The following TNFAIP1 variants were observed in gnomAD, a reference collection of about 807,000 sequenced individuals.
TNFAIP1 encodes BTB/POZ domain-containing adapter for CUL3-mediated RhoA degradation protein 2.
In TNFAIP1, 20 loss-of-function variants were observed where a neutral mutation model predicts 32.6. That is an observed-to-expected ratio of 0.61 (90% CI 0.43 to 0.89). The LOEUF (loss-of-function observed/expected upper bound fraction) is 0.89, where lower values mean the gene tolerates loss of function less well. TNFAIP1 is among the 40% of genes least tolerant of loss of function. The pLI is 0.00. For missense variants in TNFAIP1, 319 were observed against 425.1 expected (o/e 0.75, Z 2.20); for synonymous variants, 166 against 166.8 (o/e 1.00, Z 0.04).
Position 28,339,455 on chromosome 17 carries a change from C to A in TNFAIP1, c.-67C>A. 1 of 1,474,806 alleles carries A rather than the reference C, an allele frequency of 6.8e-7. No homozygotes were observed. The highest frequency in any genetic ancestry group is 1.3e-5 in the South Asian group (1 of 74,306). The allele number at this position is 1,474,806 out of a possible 1,614,324, so 91.4% of individuals were successfully genotyped here. A position where few individuals can be genotyped will look rare whatever the true frequency, so the allele number is the denominator to read the frequency against. On this transcript the variant is annotated 5_prime_UTR_variant, in exon 2 of 7. Coordinates refer to ENST00000226225, the MANE Select transcript of TNFAIP1 (RefSeq NM_021137.5). Reference sequence around the variant, plus strand: ...CCTCCACTGGCCACTCACTCGTGACCCTTTCCACCACGGCGGAGCCTTCCA... The same window carrying A: ...CCTCCACTGGCCACTCACTCGTGACACTTTCCACCACGGCGGAGCCTTCCA...
Position 28,342,561 on chromosome 17 carries a change from C to T in TNFAIP1, c.714+119C>T, listed in dbSNP as rs1177863558. On this transcript the variant is annotated intron_variant, in intron 6 of 6. Coordinates refer to ENST00000226225, the MANE Select transcript of TNFAIP1 (RefSeq NM_021137.5). The surrounding 1 kb of genome is among the most constrained non-coding windows in gnomAD (Gnocchi z 4.0). ...CATGGACTTGGCTCTTTTTTCCAAA[C>T]ACGGTAATGGTGCTGGGCAAGGACA... 2 of 1,020,440 alleles carry T rather than the reference C, an allele frequency of 2.0e-6. No individual in the cohort carries two copies. Among genetic ancestry groups the T allele is most frequent in the African/African-American group, 3.2e-5 (2 of 62,304 alleles). 63.2% of individuals were successfully genotyped at this position (1,020,440 alleles called of 1,614,324 possible).
chr17:28,344,241 G>A (rs1226492352), intron 6 of TNFAIP1, 123 bp from the exon 7 acceptor site: 22 of 840,882 alleles, frequency 2.6e-5, no homozygotes, highest in East Asian at 4.9e-5. Context: ...CCCTGGAGAC[G>A]GACCGCCACC....
chr17:28,340,886 C>A lies in TNFAIP1; in HGVS notation c.376-351C>A, dbSNP rs8080258. On this transcript the variant is annotated intron_variant, in intron 3 of 6. Coordinates refer to ENST00000226225, the MANE Select transcript of TNFAIP1 (RefSeq NM_021137.5). This position sits in a 1 kb window ranked among gnomAD's most constrained non-coding sequence, Gnocchi z 4.1. Reference sequence around the variant, plus strand: ...TGGCCTTCAGAGTAGCTGGGAATGCCAGCATGCGCCATGGCACCCAGCTAA... The same window carrying A: ...TGGCCTTCAGAGTAGCTGGGAATGCAAGCATGCGCCATGGCACCCAGCTAA... Among the ~76,000 whole-genome samples the A allele has an allele frequency of 1, 152,305 of 152,306 alleles. 76,152 individuals are homozygous for A. The highest frequency in any genetic ancestry group is 1 in the Non-Finnish European group (68,034 of 68,034).
In TNFAIP1 at chr17:28,345,655, G is replaced by A. The variant is rs1555578857; in HGVS notation, c.*1055G>A. ...ATCAGCTGAGGACAGCAAACTCCCA[G>A]CAGCCCCTACAGAGGTGGCACATGC... On this transcript the variant is annotated 3_prime_UTR_variant, in exon 7 of 7. Coordinates refer to ENST00000226225, the MANE Select transcript of TNFAIP1 (RefSeq NM_021137.5). The A allele has an allele frequency of 6.6e-6, 1 of 152,294 alleles. No individual in the cohort carries two copies. Among genetic ancestry groups the A allele is most frequent in the South Asian group, 2.1e-4 (1 of 4,834 alleles). The allele number at this position is 152,294 out of a possible 1,614,324, so 9.4% of individuals were successfully genotyped here. A position where few individuals can be genotyped will look rare whatever the true frequency, so the allele number is the denominator to read the frequency against.
intron 5 of TNFAIP1, 57 bp downstream of exon 5, chr17:28,341,513 C>G (rs530156551): frequency 6.3e-7 from 1 of 1,596,378 alleles, no homozygotes; most frequent in Non-Finnish European, 8.6e-7. Flanking sequence ...GGAGTACTGC[C>G]TGTACTCCCA....
chr17:28,339,831 G>GTGTCTTCACCTGGAGTC (rs1907303706), intron 2 of TNFAIP1, 105 bp downstream of exon 2: 2 of 1,251,636 alleles, frequency 1.6e-6, no homozygotes, highest in Admixed American at 4.3e-5. Context: ...TTTATGTAGG[G>GTGTCTTCACCTGGAGTC]TGTCTTCACC....
Position 28,344,400 on chromosome 17 carries a change from C to A in TNFAIP1, c.751C>A (p.Leu251Ile). The A allele has an allele frequency of 6.2e-7, 1 of 1,613,898 alleles. No homozygotes were observed. Among genetic ancestry groups the A allele is most frequent in the Non-Finnish European group, 8.5e-7 (1 of 1,180,014 alleles). The change falls in exon 7 of 7, where the codon CTC becomes ATC. Residue 251 changes from leucine (L) to isoleucine (I), a missense_variant. By Grantham distance (5) the Leu-to-Ile change is conservative. Transcript: ENST00000226225. ...FPEARIYEET[L>I]NVLLYETPRV... ...AGAGGCCCGAATCTATGAGGAGACA[C>A]TCAACGTCCTACTCTATGAGACTCC...
rs529965380 is a variant in TNFAIP1, at chr17:28,340,494, G to A, written c.375+16G>A. On this transcript the variant is annotated intron_variant, in intron 3 of 6. Coordinates refer to ENST00000226225, the MANE Select transcript of TNFAIP1 (RefSeq NM_021137.5). This position sits in a 1 kb window ranked among gnomAD's most constrained non-coding sequence, Gnocchi z 4.1. The stretch of plus-strand genomic sequence containing the variant: ...TGCCCTGCAGGTACATGGGTGGGGC[G>A]GAGCAGGGCGGGCAGATGAGGTCAG... 2.1e-5 allele frequency: 34 copies of A among 1,612,778 alleles called. No individual in the cohort carries two copies. Among genetic ancestry groups the A allele is most frequent in the Middle Eastern group, 1.7e-4 (1 of 6,050 alleles).
chr17:28,339,525 TC>T lies in TNFAIP1; in HGVS notation c.5del (p.Ser2TrpfsTer45). 1 of 1,598,198 alleles carries T rather than the reference TC, an allele frequency of 6.3e-7. No individual in the cohort carries two copies. On this transcript the variant is annotated frameshift_variant, in exon 2 of 7. Coordinates refer to ENST00000226225, the MANE Select transcript of TNFAIP1 (RefSeq NM_021137.5). LOFTEE classifies it high-confidence loss of function. The part of the protein sequence containing the change: M[S>X]GDTCLCPASG... ...GGTGATCTACCTGCAGCGGGAGATG[TC>T]GGGGGACACCTGCCTGTGCCCAGCC... is the stretch of plus-strand genomic sequence containing the variant.
rs1907587834 is a variant in TNFAIP1, at chr17:28,346,813, C to G, written c.*2213C>G. 1.3e-5 allele frequency: 2 copies of G among 152,176 alleles called. No individual in the cohort carries two copies. The allele number at this position is 152,176 out of a possible 1,614,324, so 9.4% of individuals were successfully genotyped here. On this transcript the variant is annotated 3_prime_UTR_variant, in exon 7 of 7. Transcript: ENST00000226225. ...ATTTTCTTGTCAGTTTCTGAGAAACCTGGCAGCCTGCTGTTAACAACACAG... is the reference window on the plus strand; with the variant it reads ...ATTTTCTTGTCAGTTTCTGAGAAACGTGGCAGCCTGCTGTTAACAACACAG...
intron 1 of TNFAIP1, among the ~76,000 whole-genome samples, chr17:28,337,116 T>G (rs982195472): frequency 6.6e-6 from 1 of 152,182 alleles, no homozygotes; most frequent in Non-Finnish European, 1.5e-5. Context: ...CATCTCTTCT[T>G]GCCTAGACTA....
In TNFAIP1 at chr17:28,345,324, C is replaced by T. The variant is rs1567788624; in HGVS notation, c.*724C>T. On this transcript the variant is annotated 3_prime_UTR_variant, in exon 7 of 7. Coordinates refer to ENST00000226225, the MANE Select transcript of TNFAIP1 (RefSeq NM_021137.5). ...AAAAAAAAAACATCCGACAGAGCAGCTCTGGCTTTGCAGCCTGGCCAGCAG... is the reference window on the plus strand; with the variant it reads ...AAAAAAAAAACATCCGACAGAGCAGTTCTGGCTTTGCAGCCTGGCCAGCAG... 1.3e-3 allele frequency: 1 copy of T among 772 alleles called. No homozygotes were observed. Among genetic ancestry groups the T allele is most frequent in the Non-Finnish European group, 4.3e-3 (1 of 234 alleles). 0.0% of individuals were successfully genotyped at this position (772 alleles called of 1,614,324 possible). A position where few individuals can be genotyped will look rare whatever the true frequency, so the allele number is the denominator to read the frequency against.
At chr17:28,336,986 C>T (rs1286704500) in intron 1 of TNFAIP1, among the ~76,000 whole-genome samples, 1 of 152,222 alleles carries the variant, frequency 6.6e-6, no homozygotes, top group Non-Finnish European at 1.5e-5. Flanking sequence ...CAGTGCCCTG[C>T]TTCTGGGTTG....
Position 28,342,335 on chromosome 17 carries a change from G to A in TNFAIP1, c.607G>A (p.Val203Ile), listed in dbSNP as rs782072533. 2.2e-5 allele frequency: 36 copies of A among 1,607,702 alleles called. No individual in the cohort carries two copies. The highest frequency in any genetic ancestry group is 2.9e-5 in the Non-Finnish European group (34 of 1,174,640). Residue 203 changes from valine (V) to isoleucine (I), a missense_variant, in exon 6 of 7, where the codon GTC (valine) becomes ATC (isoleucine). Val to Ile is a conservative substitution (Grantham distance 29). Coordinates refer to ENST00000226225, the MANE Select transcript of TNFAIP1 (RefSeq NM_021137.5). The surrounding 1 kb of genome is among the most constrained non-coding windows in gnomAD (Gnocchi z 4.0). ...CGGCCGCGTGCTCTTCATCAAGGAT[G>A]TCATTGGTGACGAGATCTGCTGCTG... ...FNGRVLFIKD[V>I]IGDEICCWSF... is the part of the protein sequence containing the mutation.
rs552009830 is a variant in TNFAIP1 at position 28,340,607 on chromosome 17, CAAGT to C, written c.375+130_375+133del. 1,996 of 1,069,964 alleles carry C rather than the reference CAAGT, an allele frequency of 1.9e-3. 4 individuals are homozygous for C. The highest frequency in any genetic ancestry group is 2.2e-3 in the Non-Finnish European group (1,652 of 750,802). The allele number at this position is 1,069,964 out of a possible 1,614,324, so 66.3% of individuals were successfully genotyped here. A position where few individuals can be genotyped will look rare whatever the true frequency, so the allele number is the denominator to read the frequency against. On this transcript the variant is annotated intron_variant, in intron 3 of 6. Transcript: ENST00000226225. The surrounding 1 kb of genome is among the most constrained non-coding windows in gnomAD (Gnocchi z 4.1). ...GTTGATGAGTGCAAACCTAATGAGA[CAAGT>C]GAGATGCCACCCAGGCCCACCAACC... is the stretch of plus-strand genomic sequence containing the variant.
rs201236663 is a variant in TNFAIP1, at chr17:28,342,301, G to C, written c.573G>C (p.Leu191=). 6.9e-6 allele frequency: 11 copies of C among 1,596,886 alleles called. No homozygotes were observed. The highest frequency in any genetic ancestry group is 1.7e-4 in the Middle Eastern group (1 of 6,010). ...KNIELFDKLS[L]RFNGRVLFIK... The stretch of plus-strand genomic sequence containing the variant: ...TCGAGCTGTTTGACAAGCTCTCCCT[G>C]CGCTTCAACGGCCGCGTGCTCTTCA... The change falls in exon 6 of 7, where the codon CTG becomes CTC. Residue 191 remains leucine (L), a synonymous_variant. Transcript: ENST00000226225. The surrounding 1 kb of genome is among the most constrained non-coding windows in gnomAD (Gnocchi z 4.0).
Position 28,339,470 on chromosome 17 carries a change from G to A in TNFAIP1, c.-52G>A, listed in dbSNP as rs1002944819. ...CACTCGTGACCCTTTCCACCACGGC[G>A]GAGCCTTCCAAGCCTACCTCCTGCC... is the stretch of plus-strand genomic sequence containing the variant. On this transcript the variant is annotated 5_prime_UTR_variant, in exon 2 of 7. Coordinates refer to ENST00000226225, the MANE Select transcript of TNFAIP1 (RefSeq NM_021137.5). 1.8e-5 allele frequency: 27 copies of A among 1,520,326 alleles called. No homozygotes were observed. Among genetic ancestry groups the A allele is most frequent in the Non-Finnish European group, 1.9e-5 (22 of 1,133,032 alleles). 94.2% of individuals were successfully genotyped at this position (1,520,326 alleles called of 1,614,324 possible). A position where few individuals can be genotyped will look rare whatever the true frequency, so the allele number is the denominator to read the frequency against.
At chr17:28,341,560 C>A in intron 5 of TNFAIP1, 104 bp downstream of exon 5, 2 of 1,303,680 alleles carry the variant, frequency 1.5e-6, no homozygotes, top group South Asian at 1.3e-5. Context: ...GGTCTTGGAA[C>A]TGGCTGTGCC....
At position 28,342,346 on chromosome 17, in the gene TNFAIP1, C is replaced by A. The variant is rs3093722; in HGVS notation, c.618C>A (p.Asp206Glu). Reference protein sequence around the residue: ...RVLFIKDVIGDEICCWSFYGQ... With the variant: ...RVLFIKDVIGEEICCWSFYGQ... ...TCTTCATCAAGGATGTCATTGGTGA[C>A]GAGATCTGCTGCTGGTCCTTTTATG... is the stretch of plus-strand genomic sequence containing the variant. Residue 206 changes from aspartate to glutamate, a missense_variant, in exon 6 of 7, where the codon GAC becomes GAA. Asp to Glu is a conservative substitution (Grantham distance 45). Coordinates refer to ENST00000226225, the MANE Select transcript of TNFAIP1 (RefSeq NM_021137.5). This position sits in a 1 kb window ranked among gnomAD's most constrained non-coding sequence, Gnocchi z 4.0. 3.1e-5 allele frequency: 50 copies of A among 1,607,500 alleles called. No homozygotes were observed. The highest frequency in any genetic ancestry group is 4.1e-5 in the Non-Finnish European group (48 of 1,174,504).
Sources: allele counts gnomAD v4.1 joint callset (sites outside exome capture counted in the v4.1 genomes callset), GRCh38; gene constraint gnomAD v4.1.1; non-coding constraint Gnocchi (gnomAD v3.1); transcripts MANE v1.5; gene names NCBI Gene and HGNC (gene_info 2026-07-23, HGNC 2026-07-21).